SMAD3: variants seen among roughly 807,000 people sequenced by gnomAD.
SMAD3 encodes the protein SMAD family member 3.
SMAD3 carries 12 observed loss-of-function variants against 51.8 expected under a neutral mutation model. The ratio of observed to expected loss-of-function variants is 0.23; its 90% CI spans 0.15 to 0.38. The LOEUF is 0.38. SMAD3 is among the 10% of genes least tolerant of loss of function. The probability of loss-of-function intolerance (pLI) is 1.00; values close to 1 mark genes in which losing one functional copy is unlikely to be tolerated. For missense variants in SMAD3, 294 were observed against 565.6 expected, an observed-to-expected ratio of 0.52 and a Z score of 4.87; for synonymous variants, 238 against 227.7, an observed-to-expected ratio of 1.05 and a Z score of -0.41.
intron 1 of SMAD3, among the ~76,000 whole-genome samples, chr15:67,146,571 G>C (rs1455841348): frequency 6.6e-6 from 1 of 152,110 alleles, no homozygotes; most frequent in South Asian, 2.1e-4. Flanking sequence ...GATGGGGAGC[G>C]GGGAGGGACT....
chr15:67,102,227 C>T (rs866032323), intron 1 of SMAD3, among the ~76,000 whole-genome samples: 43 of 128,812 alleles, frequency 3.3e-4, no homozygotes, highest in African/African-American at 1.2e-3. Context: ...TCAGATCAGT[C>T]TTGGGGGAAA....
intron 1 of SMAD3, among the ~76,000 whole-genome samples, chr15:67,141,070 C>T (rs1961806928): frequency 6.6e-6 from 1 of 152,152 alleles, no homozygotes; most frequent in African/African-American, 2.4e-5. Flanking sequence ...TGGGCAGCTG[C>T]CTGTTTTTGA....
chr15:67,174,642 C>T (rs1962840885), intron 5 of SMAD3: 1 of 151,574 alleles, frequency 6.6e-6, no homozygotes, highest in Admixed American at 6.6e-5. Context: ...GGTGGAGGCA[C>T]CCAGCAGCGC....
chr15:67,128,139 A>G (rs1478222296), intron 1 of SMAD3: 1 of 151,376 alleles, frequency 6.6e-6, no homozygotes, highest in South Asian at 2.1e-4. Flanking sequence ...TTATGCACGG[A>G]CTCCGTTTTG....
intron 4 of SMAD3, among the ~76,000 whole-genome samples, chr15:67,170,161 T>A (rs1215579810): frequency 2.6e-5 from 4 of 152,186 alleles, no homozygotes; most frequent in Non-Finnish European, 5.9e-5. Flanking sequence ...GAGAAGGGCT[T>A]CCCTGCTCCT....
chr15:67,111,196 T>C (rs1346044341), intron 1 of SMAD3, among the ~76,000 whole-genome samples: 2 of 152,234 alleles, frequency 1.3e-5, no homozygotes, highest in African/African-American at 2.4e-5. Flanking sequence ...ACTTTCTGGT[T>C]CTCTGGATTT....
chr15:67,098,885 G>C, intron 1 of SMAD3: 2 of 702,188 alleles, frequency 2.8e-6, no homozygotes, highest in Non-Finnish European at 5.2e-6. Context: ...TGGGAGGGTG[G>C]ACTCCGTTCC....
chr15:67,165,954 A>T (rs80050753), intron 3 of SMAD3: 1 of 162,280 alleles, frequency 6.2e-6, no homozygotes, highest in African/African-American at 2.4e-5. Flanking sequence ...AATCACCAGC[A>T]CTTTCAGACT....
chr15:67,121,507 G>C (rs1278729783), intron 1 of SMAD3, among the ~76,000 whole-genome samples: 1 of 152,224 alleles, frequency 6.6e-6, no homozygotes, highest in South Asian at 2.1e-4. Context: ...TGGGAGGACG[G>C]GAGGTTTTGT....
At chr15:67,076,417 A>G (rs949599120) in intron 1 of SMAD3, among the ~76,000 whole-genome samples, 1 of 152,220 alleles carries the variant, frequency 6.6e-6, no homozygotes, top group South Asian at 2.1e-4. Context: ...CCGTAAGTGC[A>G]TGGAAGTGCA....
chr15:67,086,615 TTGAGA>T (rs1045045377), intron 1 of SMAD3, among the ~76,000 whole-genome samples: 2 of 152,182 alleles, frequency 1.3e-5, no homozygotes, highest in African/African-American at 4.8e-5. Context: ...ATAACAAGGT[TTGAGA>T]TGCAGTTGTA....
At chr15:67,086,956 T>C (rs1249884915) in intron 1 of SMAD3, among the ~76,000 whole-genome samples, 1 of 150,978 alleles carries the variant, frequency 6.6e-6, no homozygotes, top group Admixed American at 6.6e-5. Flanking sequence ...AGTGCAGTGG[T>C]GCGATCTCAG....
At chr15:67,092,918 T>C (rs1960538403) in intron 1 of SMAD3, among the ~76,000 whole-genome samples, 1 of 152,204 alleles carries the variant, frequency 6.6e-6, no homozygotes, top group Non-Finnish European at 1.5e-5. Context: ...AGCCAGCTTC[T>C]GCATCATGGA....
rs558650179 is a variant in SMAD3 at position 67,169,110 on chromosome 15, A to C, written c.608-1444A>C. Among the ~76,000 whole-genome samples the C allele has an allele frequency of 5.3e-5, 8 of 152,294 alleles. No homozygotes were observed. In the South Asian group the frequency reaches 1.5e-3, roughly 28 times the overall value. On this transcript the variant is annotated intron_variant, in intron 4 of 8. Transcript: ENST00000327367. ...ATGCACAGTCTTACTTAATTTTTAC[A>C]TGTCACACAGTAGATGATATTATCC...
chr15:67,118,987 A>G (rs1961197403), intron 1 of SMAD3, among the ~76,000 whole-genome samples: 1 of 152,234 alleles, frequency 6.6e-6, no homozygotes. Flanking sequence ...AGCACAGGCC[A>G]AGGAGCTGGA....
rs151132045 is a variant in SMAD3 at position 67,143,866 on chromosome 15, T to A, written c.207-21029T>A. Among the ~76,000 whole-genome samples, 674 of 152,114 alleles carry A rather than the reference T, an allele frequency of 4.4e-3. 5 individuals carry two copies. Among genetic ancestry groups the A allele is most frequent in the African/African-American group, 0.016 (653 of 41,486 alleles). On this transcript the variant is annotated intron_variant, in intron 1 of 8. Coordinates refer to ENST00000327367, the MANE Select transcript of SMAD3 (RefSeq NM_005902.4). The stretch of plus-strand genomic sequence containing the variant: ...TGATCTGCAACCTCCGCCTCCTGGG[T>A]TCACATGATTCTCCTGCCTCAGCCT...
At chr15:67,086,987 C>A (rs1434959459) in intron 1 of SMAD3, among the ~76,000 whole-genome samples, 1 of 151,980 alleles carries the variant, frequency 6.6e-6, no homozygotes, top group African/African-American at 2.4e-5. Context: ...CCTCCACCTC[C>A]CAGGTTCAAG....
chr15:67,090,566 G>A (rs1960488629), intron 1 of SMAD3, among the ~76,000 whole-genome samples: 1 of 152,156 alleles, frequency 6.6e-6, no homozygotes, highest in Non-Finnish European at 1.5e-5. Flanking sequence ...CGATGGGGCA[G>A]GGTGGTAAAC....
intron 1 of SMAD3, among the ~76,000 whole-genome samples, chr15:67,099,609 G>A (rs1960704369): frequency 6.6e-6 from 1 of 152,168 alleles, no homozygotes; most frequent in Non-Finnish European, 1.5e-5. Flanking sequence ...GAAATGTTTT[G>A]ATTCATGTAC....
Sources: gnomAD v4.1 joint callset for allele counts (sites outside exome capture counted in the v4.1 genomes callset) on GRCh38, gnomAD v4.1.1 for gene constraint, MANE v1.5 for transcripts, NCBI Gene and HGNC (gene_info 2026-07-23, HGNC 2026-07-21) for gene names.